The following SCAPER variants were observed in gnomAD, a reference collection of about 807,000 sequenced individuals.
SCAPER encodes S phase cyclin A-associated protein in the endoplasmic reticulum.
Under a neutral mutation model 182.2 loss-of-function variants are expected in SCAPER, and 98 were observed. The ratio of observed to expected loss-of-function variants is 0.54; its 90% confidence interval spans 0.46 to 0.64. SCAPER has a LOEUF of 0.64. SCAPER is among the 30% of genes least tolerant of loss of function. The pLI, the probability that SCAPER is intolerant of heterozygous loss-of-function variation, is 0.00. For missense variants in SCAPER, 1,432 were observed against 1,690.0 expected (o/e 0.85, Z 2.68); for synonymous variants, 605 against 564.6 (o/e 1.07, Z -1.01).
intron 23 of SCAPER, among the ~76,000 whole-genome samples, chr15:76,571,153 C>T (rs1239507513): frequency 6.6e-6 from 1 of 152,176 alleles, no homozygotes; most frequent in Non-Finnish European, 1.5e-5. Flanking sequence ...CTGGCACATG[C>T]TTTTTGGGGC....
chr15:76,846,050 C>T (rs1408746479), intron 4 of SCAPER, among the ~76,000 whole-genome samples: 2 of 152,032 alleles, frequency 1.3e-5, no homozygotes. Flanking sequence ...CATACACCTA[C>T]AGTGAACTTA....
chr15:76,405,851 C>T (rs1017978868), intron 26 of SCAPER, among the ~76,000 whole-genome samples: 38 of 152,168 alleles, frequency 2.5e-4, no homozygotes, highest in African/African-American at 8.7e-4. Flanking sequence ...ACAGTCCCCA[C>T]TATTCATTTA....
chr15:76,854,662 G>A (rs1442935741), intron 4 of SCAPER, among the ~76,000 whole-genome samples: 4 of 151,858 alleles, frequency 2.6e-5, no homozygotes, highest in South Asian at 4.2e-4. Flanking sequence ...GCAATCCTAA[G>A]TTTTAAAAAA....
chr15:76,487,630 A>G (rs2051788625), intron 24 of SCAPER, among the ~76,000 whole-genome samples: 1 of 152,146 alleles, frequency 6.6e-6, no homozygotes, highest in African/African-American at 2.4e-5. Flanking sequence ...GGGAAGAGGA[A>G]ATACCTGGGA....
intron 15 of SCAPER, among the ~76,000 whole-genome samples, chr15:76,751,067 C>T (rs2062058469): frequency 6.6e-6 from 1 of 151,626 alleles, no homozygotes; most frequent in African/African-American, 2.4e-5. Flanking sequence ...ACACAAAAAT[C>T]AATTGCATTT....
intron 4 of SCAPER, among the ~76,000 whole-genome samples, chr15:76,843,999 C>G (rs143547312): frequency 0.012 from 1,828 of 152,078 alleles, 23 homozygotes; most frequent in Non-Finnish European, 0.017. Flanking sequence ...TTTATATTAC[C>G]AGTACTAATA....
intron 17 of SCAPER, among the ~76,000 whole-genome samples, chr15:76,706,945 T>C (rs758250688): frequency 1.2e-4 from 19 of 152,074 alleles, no homozygotes; most frequent in Non-Finnish European, 1.8e-4. Flanking sequence ...TACAACTGTA[T>C]AAAGAAATAA....
chr15:76,791,267 A>G, intron 8 of SCAPER, among the ~76,000 whole-genome samples: 1 of 152,234 alleles, frequency 6.6e-6, no homozygotes, highest in East Asian at 1.9e-4. Context: ...TTACAGTTAT[A>G]GCCACAGTGA....
At chr15:76,407,318 T>C (rs1055609443) in intron 26 of SCAPER, among the ~76,000 whole-genome samples, 1 of 152,130 alleles carries the variant, frequency 6.6e-6, no homozygotes, top group Non-Finnish European at 1.5e-5. Context: ...TATCTAACCA[T>C]AGAAAGGGTA....
chr15:76,758,861 T>A (rs944675727), intron 14 of SCAPER, among the ~76,000 whole-genome samples: 5 of 152,150 alleles, frequency 3.3e-5, no homozygotes, highest in Non-Finnish European at 4.4e-5. Context: ...GAAAACTGTA[T>A]CCTTAATTTC....
At chr15:76,589,994 C>A (rs976054973) in intron 22 of SCAPER, among the ~76,000 whole-genome samples, 1 of 152,240 alleles carries the variant, frequency 6.6e-6, no homozygotes. Flanking sequence ...ATCCTCCTTT[C>A]CCACTTTCAC....
In SCAPER at chr15:76,774,941, C is replaced by T; in HGVS notation, c.949G>A (p.Val317Ile). ...ATAGTATTAGAAGTTCCATCTCCAACAAATTGACCTTTCTGTATGCTTTCA... is the reference window on the plus strand; with the variant it reads ...ATAGTATTAGAAGTTCCATCTCCAATAAATTGACCTTTCTGTATGCTTTCA... ...PDESIQKGQF[V>I]GDGTSNTIES... Residue 317 changes from valine to isoleucine, a missense_variant, in exon 9 of 32, where the codon GTT becomes ATT. Coordinates refer to ENST00000563290, the MANE Select transcript of SCAPER (RefSeq NM_020843.4). 1.9e-6 allele frequency: 3 copies of T among 1,613,804 alleles called. No homozygotes were observed. Among genetic ancestry groups the T allele is most frequent in the Non-Finnish European group, 2.5e-6 (3 of 1,179,768 alleles).
rs193229766 is a variant in SCAPER, at chr15:76,378,693, A to C, written c.3706-2382T>G. On this transcript the variant is annotated intron_variant, in intron 28 of 31. Coordinates refer to ENST00000563290, the MANE Select transcript of SCAPER (RefSeq NM_020843.4). ...ACCAATAAAGTATGGTTGATAGGTA[A>C]GTATATGACTTCTGAGGCTAAGTCA... Among the ~76,000 whole-genome samples the C allele has an allele frequency of 9.8e-4, 149 of 152,364 alleles. 1 individual carries two copies. The Middle Eastern group carries it at 0.014, about 14-fold the overall frequency.
At chr15:76,769,261 T>C (rs1375937445) in intron 10 of SCAPER, among the ~76,000 whole-genome samples, 9 of 151,124 alleles carry the variant, frequency 6.0e-5, no homozygotes, top group African/African-American at 2.2e-4. Context: ...GCTAACATGG[T>C]GAAACCCCGT....
intron 1 of SCAPER, among the ~76,000 whole-genome samples, chr15:76,892,758 T>A (rs965073333): frequency 3.3e-5 from 5 of 152,222 alleles, no homozygotes; most frequent in Non-Finnish European, 7.3e-5. Flanking sequence ...TGGAAAACAG[T>A]GTGGCGATTC....
At chr15:76,690,375 GAGAA>G (rs1455438646) in intron 20 of SCAPER, among the ~76,000 whole-genome samples, 1 of 152,054 alleles carries the variant, frequency 6.6e-6, no homozygotes, top group East Asian at 1.9e-4. Context: ...AGAAAAGATT[GAGAA>G]ACTGTCACAA....
At chr15:76,443,115 C>G (rs950739194) in intron 25 of SCAPER, among the ~76,000 whole-genome samples, 3 of 152,102 alleles carry the variant, frequency 2.0e-5, no homozygotes, top group African/African-American at 7.2e-5. Context: ...ATCAGAGACT[C>G]CCAGAGTTGG....
chr15:76,611,211 T>C (rs1397393325), intron 22 of SCAPER, among the ~76,000 whole-genome samples: 1 of 151,540 alleles, frequency 6.6e-6, no homozygotes, highest in Non-Finnish European at 1.5e-5. Context: ...AGTATCCTTA[T>C]GCAAAAAAAT....
intron 9 of SCAPER, among the ~76,000 whole-genome samples, chr15:76,773,605 G>A (rs2063584190): frequency 6.6e-6 from 1 of 151,752 alleles, no homozygotes; most frequent in Admixed American, 6.6e-5. Flanking sequence ...AAATTAAAAA[G>A]CAACATAAAA....
Sources: allele counts gnomAD v4.1 joint callset (sites outside exome capture counted in the v4.1 genomes callset), GRCh38; gene constraint gnomAD v4.1.1; transcripts MANE v1.5; gene names NCBI Gene and HGNC (gene_info 2026-07-23, HGNC 2026-07-21).